RETREG3: variants seen among roughly 807,000 people sequenced by gnomAD.
RETREG3 encodes reticulophagy regulator family member 3.
RETREG3 carries 23 observed loss-of-function variants against 50.2 expected under a neutral mutation model. The ratio of observed to expected loss-of-function variants is 0.46; its 90% CI spans 0.33 to 0.65. RETREG3 has a LOEUF of 0.65. Among genes scored for constraint, RETREG3 ranks in the 30% least tolerant of loss-of-function variants. The pLI is 0.02. For missense variants in RETREG3, 546 were observed against 598.0 expected (o/e 0.91, Z 0.91); for synonymous variants, 240 against 234.4 (o/e 1.02, Z -0.22).
chr17:42,581,690 G>T lies in RETREG3; in HGVS notation c.*123C>A. On this transcript the variant is annotated 3_prime_UTR_variant, in exon 9 of 9. Transcript: ENST00000309428. Reference sequence around the variant, plus strand: ...AAGGAGGCCTCTGAGCATCAGCCAGGCCACCCAGCATACAAATATAATTCA... The same window carrying T: ...AAGGAGGCCTCTGAGCATCAGCCAGTCCACCCAGCATACAAATATAATTCA... The T allele has an allele frequency of 1.1e-6, 1 of 921,700 alleles. No individual in the cohort carries two copies. The highest frequency in any genetic ancestry group is 1.6e-6 in the Non-Finnish European group (1 of 634,254). 57.1% of individuals were successfully genotyped at this position (921,700 alleles called of 1,614,324 possible). A position where few individuals can be genotyped will look rare whatever the true frequency, so the allele number is the denominator to read the frequency against.
intron 1 of RETREG3, among the ~76,000 whole-genome samples, chr17:42,602,374 T>G (rs2093160329): frequency 6.6e-6 from 1 of 151,596 alleles, no homozygotes; most frequent in African/African-American, 2.4e-5. Flanking sequence ...TACGATAAAA[T>G]TCTCTTTCAA....
chr17:42,597,594 TATATATATATATATATATATATATA>T (rs2093148797), intron 1 of RETREG3, among the ~76,000 whole-genome samples: 5 of 3,546 alleles, frequency 1.4e-3, no homozygotes, highest in Non-Finnish European at 3.5e-3. Flanking sequence ...TATATATATA[TATATATATATATATATATATATATA>T]TTTTTTTTTT....
intron 2 of RETREG3, among the ~76,000 whole-genome samples, chr17:42,589,183 A>G (rs1280627603): frequency 6.6e-6 from 1 of 152,118 alleles, no homozygotes; most frequent in African/African-American, 2.4e-5. Flanking sequence ...CAGCCATTAG[A>G]TAGGCAGATG....
chr17:42,586,011 G>T, intron 5 of RETREG3, 42 bp downstream of exon 5: 2 of 1,583,898 alleles, frequency 1.3e-6, no homozygotes, highest in South Asian at 2.2e-5. Context: ...GGAAAGCTAT[G>T]AGCAGGGTAT....
intron 1 of RETREG3, among the ~76,000 whole-genome samples, chr17:42,594,093 C>T (rs139103677): frequency 3.2e-4 from 48 of 152,266 alleles, no homozygotes; most frequent in Non-Finnish European, 1.0e-4. Flanking sequence ...TGGGGGACTG[C>T]GTCACAAGAA....
At chr17:42,586,196 G>A in intron 4 of RETREG3, 59 bp from the exon 5 acceptor site, 2 of 1,534,858 alleles carry the variant, frequency 1.3e-6, no homozygotes, top group South Asian at 2.2e-5. Flanking sequence ...TGGGGTGGGT[G>A]TGAAGGGTTA....
At chr17:42,608,938 G>A (rs962034277) in intron 1 of RETREG3, 148 bp downstream of exon 1, 1 of 735,888 alleles carries the variant, frequency 1.4e-6, no homozygotes, top group East Asian at 2.7e-5. Context: ...GCCTGCAGGC[G>A]GGATGGAGTG....
chr17:42,595,670 T>C lies in RETREG3; in HGVS notation c.240-3508A>G, dbSNP rs367593222. 1.8e-3 allele frequency among the ~76,000 whole-genome samples: 265 copies of C among 147,032 alleles called. 3 individuals are homozygous for C. The highest frequency in any genetic ancestry group is 2.4e-3 in the Non-Finnish European group (161 of 65,974). ...GACAACCCTATTTCTTTCTTTCTTT[T>C]TTTTTTTTTTTTTTGAGACGGAGTC... On this transcript the variant is annotated intron_variant, in intron 1 of 8. Coordinates refer to ENST00000309428, the MANE Select transcript of RETREG3 (RefSeq NM_178126.4).
chr17:42,609,272 G>A lies in RETREG3; in HGVS notation c.53C>T (p.Thr18Ile), dbSNP rs1247807287. ...PTTPGPASGS[T>I]FRGRRDVSGS... The stretch of plus-strand genomic sequence containing the variant: ...TGACACATCTCGGCGGCCCCTGAAA[G>A]TCGACCCCGAAGCCGGGCCTGGGGT... The change falls in exon 1 of 9, where the codon ACT becomes ATT. Residue 18 changes from threonine to isoleucine, a missense_variant. Physicochemically the swap from Thr to Ile is moderately conservative, Grantham distance 89. Transcript: ENST00000309428. The A allele has an allele frequency of 6.2e-7, 1 of 1,605,158 alleles. No individual in the cohort carries two copies.
chr17:42,587,025 G>A, intron 3 of RETREG3, 134 bp from the exon 4 acceptor site: 1 of 1,218,252 alleles, frequency 8.2e-7, no homozygotes, highest in East Asian at 2.5e-5. Flanking sequence ...TGGAGGTGAA[G>A]CATGACTTTC....
At chr17:42,590,559 C>T (rs956724011) in intron 2 of RETREG3, among the ~76,000 whole-genome samples, 1 of 152,090 alleles carries the variant, frequency 6.6e-6, no homozygotes, top group Non-Finnish European at 1.5e-5. Flanking sequence ...ATAGTCCCAG[C>T]TGCTCAGGTG....
In RETREG3 at chr17:42,580,720, A is replaced by G. The variant is rs1055844709; in HGVS notation, c.*1093T>C. On this transcript the variant is annotated 3_prime_UTR_variant, in exon 9 of 9. Transcript: ENST00000309428. ...GGGAGCAGGCCTGTTCTGCAAAACC[A>G]AAGGACAAGTTTGCTTTAAAAAAAA... 1 of 152,610 alleles carries G rather than the reference A, an allele frequency of 6.6e-6. No homozygotes were observed. The highest frequency in any genetic ancestry group is 1.9e-4 in the East Asian group (1 of 5,272). The allele number at this position is 152,610 out of a possible 1,614,324, so 9.5% of individuals were successfully genotyped here. A position where few individuals can be genotyped will look rare whatever the true frequency, so the allele number is the denominator to read the frequency against.
chr17:42,591,133 T>C (rs1056627959), intron 2 of RETREG3, among the ~76,000 whole-genome samples: 8 of 152,230 alleles, frequency 5.3e-5, no homozygotes, highest in African/African-American at 1.9e-4. Context: ...ATCAAGCCAC[T>C]GGACTCTCTA....
chr17:42,588,814 C>T (rs575856861), intron 2 of RETREG3, among the ~76,000 whole-genome samples: 7 of 152,086 alleles, frequency 4.6e-5, no homozygotes, highest in Non-Finnish European at 1.0e-4. Flanking sequence ...CCTGCCACCA[C>T]GCCTGGCTAT....
chr17:42,606,457 C>T (rs1199505531), intron 1 of RETREG3, among the ~76,000 whole-genome samples: 7 of 151,710 alleles, frequency 4.6e-5, no homozygotes, highest in Non-Finnish European at 8.8e-5. Context: ...AAAAATTAGC[C>T]GGGCGTGGTG....
At chr17:42,585,013 C>T in intron 6 of RETREG3, 112 bp downstream of exon 6, 1 of 1,357,592 alleles carries the variant, frequency 7.4e-7, no homozygotes, top group Admixed American at 2.0e-5. Context: ...CTCACCCCCA[C>T]CAACTACCCC....
rs201641279 is a variant in RETREG3 at position 42,582,687 on chromosome 17, C to T, written c.930G>A (p.Thr310=). 8.7e-6 allele frequency: 14 copies of T among 1,614,196 alleles called. 1 individual carries two copies. The South Asian group carries it at 8.8e-5, about 10-fold the overall frequency. ...GGCTCCCCTCACCTTCAGAGCCTTC[C>T]GTTAGAGGTGTTTGGCCCCTTGAAA... ...FNLSRGQTPL[T]EGSEDLDGHS... The change falls in exon 8 of 9, where the codon ACG becomes ACA. Residue 310 remains threonine, a synonymous_variant. Transcript: ENST00000309428.
chr17:42,581,634 A>G lies in RETREG3; in HGVS notation c.*179T>C. 1 of 570,362 alleles carries G rather than the reference A, an allele frequency of 1.8e-6. No homozygotes were observed. Among genetic ancestry groups the G allele is most frequent in the East Asian group, 2.9e-5 (1 of 34,036 alleles). The allele number at this position is 570,362 out of a possible 1,614,324, so 35.3% of individuals were successfully genotyped here. On this transcript the variant is annotated 3_prime_UTR_variant, in exon 9 of 9. Coordinates refer to ENST00000309428, the MANE Select transcript of RETREG3 (RefSeq NM_178126.4). ...TGACTGAGCTCAGAAATGGGCATCC[A>G]GCTGGTGGGAGGGGAGTGAGTGTCC...
Position 42,582,801 on chromosome 17 carries a change from G to A in RETREG3, c.816C>T (p.Asp272=), listed in dbSNP as rs202081740. ...CCAATTCCCTGGCAACAGTAGAATC[G>A]TCCAGCTTAGGAAAAGACCAACAAA... The part of the protein sequence containing the change: ...EELAAFCPQL[D]DSTVARELAI... Residue 272 remains aspartate (D), a synonymous_variant, in exon 8 of 9, where the codon GAC becomes GAT. Transcript: ENST00000309428. 2.5e-5 allele frequency: 40 copies of A among 1,614,136 alleles called. No individual in the cohort carries two copies. The Middle Eastern group carries it at 6.6e-4, about 27-fold the overall frequency.
Sources: gnomAD v4.1 joint callset for allele counts (sites outside exome capture counted in the v4.1 genomes callset) on GRCh38, gnomAD v4.1.1 for gene constraint, MANE v1.5 for transcripts, NCBI Gene and HGNC (gene_info 2026-07-23, HGNC 2026-07-21) for gene names.